The following CACNA1B variants were observed in gnomAD, a reference collection of about 807,000 sequenced individuals.
The protein encoded by CACNA1B is calcium voltage-gated channel subunit alpha1 B.
Under a neutral mutation model 247.2 loss-of-function variants are expected in CACNA1B, and 70 were observed. The ratio of observed to expected loss-of-function variants is 0.28; its 90% CI spans 0.23 to 0.35. The LOEUF (loss-of-function observed/expected upper bound fraction) is 0.35. Ranked by LOEUF, CACNA1B falls within the 10% of genes least tolerant of loss-of-function variation. CACNA1B has a pLI of 1.00. For missense variants in CACNA1B, 2,367 were observed against 3,197.4 expected (o/e 0.74, Z 6.26); for synonymous variants, 1,231 against 1,294.4 (o/e 0.95, Z 1.05).
chr9:138,119,886 G>T (rs1188134861), intron 44 of CACNA1B, among the ~76,000 whole-genome samples: 1 of 152,190 alleles, frequency 6.6e-6, no homozygotes, highest in African/African-American at 2.4e-5. Flanking sequence ...ATTGCAGCCA[G>T]CAGAGGCGTC....
intron 6 of CACNA1B, among the ~76,000 whole-genome samples, chr9:137,948,098 A>G (rs1373106479): frequency 6.8e-6 from 1 of 147,504 alleles, no homozygotes; most frequent in Non-Finnish European, 1.5e-5. Flanking sequence ...TTCCTGCCTC[A>G]GGCTGTGGAG....
chr9:138,009,027 T>C (rs919395121), intron 16 of CACNA1B, among the ~76,000 whole-genome samples: 1 of 152,170 alleles, frequency 6.6e-6, no homozygotes, highest in Non-Finnish European at 1.5e-5. Flanking sequence ...ATGTTTGTGG[T>C]GGTTCTGGGA....
intron 36 of CACNA1B, among the ~76,000 whole-genome samples, chr9:138,083,174 A>T (rs1328526669): frequency 1.3e-5 from 2 of 151,120 alleles, no homozygotes; most frequent in African/African-American, 2.5e-5. Flanking sequence ...CCACGTGGCT[A>T]CTGTGTTCCA....
In CACNA1B at chr9:138,115,585, G is replaced by T; in HGVS notation, c.5683G>T (p.Ala1895Ser). Residue 1895 changes from alanine (A) to serine (S), a missense_variant, in exon 42 of 47, where the codon GCC (alanine) becomes TCC (serine). This residue lies in a region of CACNA1B where 773 missense variants were observed against 779.4 expected (regional missense o/e 0.99). Transcript: ENST00000371372. ...GPVSLFHPLK[A>S]TLEQTQPAVL... ...TGTGTCCCTGTTCCACCCTCTGAAG[G>T]CCACCCTGGAGCAGACACAGCCGGC... 1 of 1,613,630 alleles carries T rather than the reference G, an allele frequency of 6.2e-7. No homozygotes were observed. The highest frequency in any genetic ancestry group is 8.5e-7 in the Non-Finnish European group (1 of 1,179,814).
intron 21 of CACNA1B, among the ~76,000 whole-genome samples, chr9:138,044,976 C>T (rs774616637): frequency 1.3e-5 from 2 of 152,108 alleles, no homozygotes; most frequent in Non-Finnish European, 1.5e-5. Flanking sequence ...GGGGTGGTAA[C>T]CCGGTGTGGA....
chr9:138,054,017 G>T lies in CACNA1B; in HGVS notation c.3968+11G>T. The T allele has an allele frequency of 6.2e-7, 1 of 1,613,566 alleles. No homozygotes were observed. The highest frequency in any genetic ancestry group is 8.5e-7 in the Non-Finnish European group (1 of 1,179,506). On this transcript the variant is annotated intron_variant, in intron 26 of 46. Coordinates refer to ENST00000371372, the MANE Select transcript of CACNA1B (RefSeq NM_000718.4). This position sits in a 1 kb window ranked among gnomAD's most constrained non-coding sequence, Gnocchi z 4.6. ...GGAGAGGGACTGCAGGTAAACTGAG[G>T]CAGGGTGCAAGGTGGGACACACAGC...
chr9:138,062,209 C>G (rs978718718), intron 31 of CACNA1B, among the ~76,000 whole-genome samples: 3 of 152,302 alleles, frequency 2.0e-5, no homozygotes, highest in East Asian at 1.9e-4. Context: ...TTTTCCCCCC[C>G]ACACAGAGCT....
chr9:138,033,237 A>G (rs1959005851), intron 20 of CACNA1B, among the ~76,000 whole-genome samples: 1 of 151,974 alleles, frequency 6.6e-6, no homozygotes, highest in Non-Finnish European at 1.5e-5. Flanking sequence ...TTGGTTCGTT[A>G]TATCTTCTTT....
rs374093300 is a variant in CACNA1B, at chr9:138,020,747, A to C, written c.2268-2264A>C. Among the ~76,000 whole-genome samples the C allele has an allele frequency of 4.5e-4, 68 of 152,292 alleles. No individual in the cohort carries two copies. Among genetic ancestry groups the C allele is most frequent in the South Asian group, 3.9e-3 (19 of 4,820 alleles). On this transcript the variant is annotated intron_variant, in intron 18 of 46. Transcript: ENST00000371372. This position sits in a 1 kb window ranked among gnomAD's most constrained non-coding sequence, Gnocchi z 4.1. ...GGTCACGGGGGAGCCTGCCAGCCTG[A>C]CAGCGCCCTCAGCCCAGCAGACAGC... is the stretch of plus-strand genomic sequence containing the variant.
At chr9:137,996,267 A>G (rs1464870366) in intron 15 of CACNA1B, among the ~76,000 whole-genome samples, 1 of 152,230 alleles carries the variant, frequency 6.6e-6, no homozygotes, top group Non-Finnish European at 1.5e-5. Flanking sequence ...CCAGATGCCT[A>G]TTGGTCAACG....
In CACNA1B at chr9:137,913,628, A is replaced by G. The variant is rs1042389006; in HGVS notation, c.622+357A>G. On this transcript the variant is annotated intron_variant, in intron 4 of 46. Coordinates refer to ENST00000371372, the MANE Select transcript of CACNA1B (RefSeq NM_000718.4). This position sits in a 1 kb window ranked among gnomAD's most constrained non-coding sequence, Gnocchi z 5.2. ...GGGAAGGATGCCTGAGAAAATGTGC[A>G]AAAGCTGCAAAGGGCCACTTGTCTC... Among the ~76,000 whole-genome samples, 8 of 150,404 alleles carry G rather than the reference A, an allele frequency of 5.3e-5. No homozygotes were observed. The highest frequency in any genetic ancestry group is 2.0e-4 in the African/African-American group (8 of 41,022).
At chr9:137,967,031 C>T (rs1270617318) in intron 10 of CACNA1B, among the ~76,000 whole-genome samples, 1 of 151,378 alleles carries the variant, frequency 6.6e-6, no homozygotes, top group Non-Finnish European at 1.5e-5. Flanking sequence ...CGGGTGAATC[C>T]AGTCTCTCCA....
chr9:137,901,182 C>G (rs1957235319), intron 3 of CACNA1B, among the ~76,000 whole-genome samples: 1 of 145,664 alleles, frequency 6.9e-6, no homozygotes, highest in African/African-American at 2.6e-5. Context: ...CTCTGTGTCC[C>G]TGTGTCAGTG....
intron 6 of CACNA1B, among the ~76,000 whole-genome samples, chr9:137,918,353 G>T (rs1019275790): frequency 1.3e-5 from 2 of 152,104 alleles, no homozygotes; most frequent in Admixed American, 1.3e-4. Flanking sequence ...TGTCCCCTCT[G>T]TGAGTCCTGT....
At chr9:137,989,290 A>T (rs1255943185) in intron 15 of CACNA1B, among the ~76,000 whole-genome samples, 1 of 152,218 alleles carries the variant, frequency 6.6e-6, no homozygotes, top group Non-Finnish European at 1.5e-5. Context: ...AGCAGAGTGA[A>T]CCGTACGCCG....
intron 6 of CACNA1B, among the ~76,000 whole-genome samples, chr9:137,947,975 CTTTTTTTTTTTT>C (rs71387878): frequency 2.5e-5 from 2 of 79,418 alleles, no homozygotes; most frequent in African/African-American, 5.9e-5. Context: ...TTCAGCATTC[CTTTTTTTTTTTT>C]TTTTTTTTTT....
Position 138,073,143 on chromosome 9 carries a change from G to T in CACNA1B, c.4675-345G>T, listed in dbSNP as rs1277071124. ...CCTGCAAGAGGTGGTCACTGCTGGA[G>T]GCCCAGCCACAGGTGATCTCCCAGC... On this transcript the variant is annotated intron_variant, in intron 32 of 46. Transcript: ENST00000371372. This position sits in a 1 kb window ranked among gnomAD's most constrained non-coding sequence, Gnocchi z 6.4. Among the ~76,000 whole-genome samples the T allele has an allele frequency of 1.3e-5, 2 of 152,194 alleles. No individual in the cohort carries two copies. Among genetic ancestry groups the T allele is most frequent in the African/African-American group, 4.8e-5 (2 of 41,448 alleles).
At chr9:137,960,197 A>ATACCT (rs1554738904) in intron 10 of CACNA1B, among the ~76,000 whole-genome samples, 4 of 5,610 alleles carry the variant, frequency 7.1e-4, no homozygotes, top group Admixed American at 2.4e-3. Flanking sequence ...GGCCTGAGTG[A>ATACCT]GGGGGAGGGG....
chr9:138,120,993 C>G (rs913416757), intron 46 of CACNA1B, 112 bp downstream of exon 46: 23 of 1,282,258 alleles, frequency 1.8e-5, no homozygotes, highest in Middle Eastern at 4.7e-4. Flanking sequence ...CTTTGTCATT[C>G]CCAGCAACCC....
Sources: gnomAD v4.1 joint callset for allele counts (sites outside exome capture counted in the v4.1 genomes callset) on GRCh38, gnomAD v4.1.1 for gene constraint, gnomAD v4.1.1 regional missense constraint, Gnocchi (gnomAD v3.1) non-coding constraint, MANE v1.5 for transcripts, NCBI Gene and HGNC (gene_info 2026-07-23, HGNC 2026-07-21) for gene names.